The following PTPN4 variants were observed in gnomAD, a reference collection of about 807,000 sequenced individuals.
PTPN4 encodes the protein tyrosine-protein phosphatase non-receptor type 4.
Under a neutral mutation model 135.5 loss-of-function variants are expected in PTPN4, and 49 were observed. That is an observed-to-expected ratio of 0.36 (90% CI 0.29 to 0.46). The LOEUF (loss-of-function observed/expected upper bound fraction) is 0.46. Among genes scored for constraint, PTPN4 ranks in the 20% least tolerant of loss-of-function variants. PTPN4 has a pLI of 1.00. For synonymous variants in PTPN4, 333 were observed against 369.9 expected (o/e 0.90, Z 1.14); for missense variants, 860 against 1,101.0 (o/e 0.78, Z 3.10).
Position 119,918,413 on chromosome 2 carries a change from T to C in PTPN4, c.829-1656T>C, listed in dbSNP as rs1678688792. ...GAGAGTGAAATAGTATAGACCATTA[T>C]ATAATACACACAGAATCCTTGGTTG... On this transcript the variant is annotated intron_variant, in intron 11 of 26. Transcript: ENST00000263708. 2.6e-5 allele frequency among the ~76,000 whole-genome samples: 4 copies of C among 152,328 alleles called. No homozygotes were observed. In the South Asian group the frequency reaches 8.3e-4, roughly 32 times the overall value.
intron 1 of PTPN4, among the ~76,000 whole-genome samples, chr2:119,805,046 G>C (rs1382216835): frequency 2.0e-5 from 3 of 152,158 alleles, no homozygotes; most frequent in Non-Finnish European, 4.4e-5. Context: ...GTGATGATGA[G>C]CATTTTTTCA....
intron 1 of PTPN4, among the ~76,000 whole-genome samples, chr2:119,764,878 A>G (rs1236606764): frequency 6.6e-6 from 1 of 152,210 alleles, no homozygotes; most frequent in Non-Finnish European, 1.5e-5. Flanking sequence ...GTTCATATTT[A>G]AAAAATAAAG....
chr2:119,815,522 C>T (rs1676970933), intron 2 of PTPN4, among the ~76,000 whole-genome samples: 1 of 152,130 alleles, frequency 6.6e-6, no homozygotes, highest in Admixed American at 6.5e-5. Flanking sequence ...ACATATACTG[C>T]TTGCAAAACC....
intron 14 of PTPN4, among the ~76,000 whole-genome samples, chr2:119,933,567 T>G (rs1678938327): frequency 2.1e-5 from 3 of 143,416 alleles, no homozygotes; most frequent in South Asian, 2.2e-4. Flanking sequence ...GTCAGGGGGG[T>G]GGGGCAGGGA....
chr2:119,822,763 G>C (rs1677089517), intron 2 of PTPN4, among the ~76,000 whole-genome samples: 1 of 151,952 alleles, frequency 6.6e-6, no homozygotes, highest in Non-Finnish European at 1.5e-5. Context: ...AAATTAGTGG[G>C]CTTTCAGGAA....
chr2:119,880,160 ACTTT>A (rs1574384745), intron 5 of PTPN4: 1 of 152,068 alleles, frequency 6.6e-6, no homozygotes, highest in Non-Finnish European at 1.5e-5. Context: ...AGTTGATACT[ACTTT>A]CTTCTTACAA....
intron 2 of PTPN4, among the ~76,000 whole-genome samples, chr2:119,838,235 T>C (rs1172808810): frequency 6.6e-6 from 1 of 152,050 alleles, no homozygotes; most frequent in African/African-American, 2.4e-5. Flanking sequence ...ACTTTTATTG[T>C]AAGTTCAGGG....
Position 119,956,976 on chromosome 2 carries a change from A to T in PTPN4, c.2072-40A>T, listed in dbSNP as rs376176321. ...CTCTGTTAAATTTAATCTTTTAAAC[A>T]TAACTTTACTAAAACATTATTTCTT... On this transcript the variant is annotated intron_variant, in intron 21 of 26. Transcript: ENST00000263708. 1,491 of 1,604,674 alleles carry T rather than the reference A, an allele frequency of 9.3e-4. 3 individuals carry two copies. The highest frequency in any genetic ancestry group is 1.2e-3 in the Non-Finnish European group (1,413 of 1,176,618).
intron 1 of PTPN4, 78 bp from the exon 2 acceptor site, chr2:119,809,759 A>G: frequency 8.1e-7 from 1 of 1,240,310 alleles, no homozygotes; most frequent in Non-Finnish European, 1.1e-6. Context: ...TGAGAAATAT[A>G]TAATAACTTT....
intron 2 of PTPN4, among the ~76,000 whole-genome samples, chr2:119,816,245 GGTAAA>G (rs1676984242): frequency 6.6e-6 from 1 of 152,076 alleles, no homozygotes; most frequent in Admixed American, 6.6e-5. Context: ...GAAAAGGTAT[GGTAAA>G]GATACAGTAT....
intron 1 of PTPN4, among the ~76,000 whole-genome samples, chr2:119,763,727 CAT>C (rs1353516728): frequency 2.6e-5 from 4 of 152,090 alleles, no homozygotes; most frequent in Non-Finnish European, 4.4e-5. Context: ...AGCCATTAAT[CAT>C]GTGTGGCTAT....
At chr2:119,911,481 A>G (rs1464657683) in intron 10 of PTPN4, among the ~76,000 whole-genome samples, 4 of 152,142 alleles carry the variant, frequency 2.6e-5, no homozygotes, top group Admixed American at 6.6e-5. Flanking sequence ...GACATAGCTA[A>G]CTATAAATAC....
At chr2:119,882,171 G>A (rs374217540) in intron 7 of PTPN4, 22 bp downstream of exon 7, 2 of 1,581,988 alleles carry the variant, frequency 1.3e-6, no homozygotes, top group Non-Finnish European at 1.7e-6. Flanking sequence ...CCCATTTTTA[G>A]GTCAAATAGC....
chr2:119,887,635 T>G (rs887692423), intron 9 of PTPN4, among the ~76,000 whole-genome samples: 2 of 152,222 alleles, frequency 1.3e-5, no homozygotes, highest in Admixed American at 6.5e-5. Flanking sequence ...GCAGAGAATG[T>G]CCTTTCCCCA....
At chr2:119,970,356 G>A (rs944870461) in intron 26 of PTPN4, among the ~76,000 whole-genome samples, 11 of 152,094 alleles carry the variant, frequency 7.2e-5, no homozygotes, top group Admixed American at 3.3e-4. Context: ...CACCAGGCCC[G>A]GCTATATAAT....
At chr2:119,795,783 G>A (rs192463606) in intron 1 of PTPN4, among the ~76,000 whole-genome samples, 52 of 152,358 alleles carry the variant, frequency 3.4e-4, no homozygotes, top group Non-Finnish European at 6.3e-4. Context: ...GCAAGGCACC[G>A]CCCTGGGCCC....
At chr2:119,971,078 A>G (rs1278940376) in intron 26 of PTPN4, among the ~76,000 whole-genome samples, 2 of 152,184 alleles carry the variant, frequency 1.3e-5, no homozygotes, top group Non-Finnish European at 2.9e-5. Context: ...ACAAATAAAC[A>G]CTTGAGACTG....
At chr2:119,816,010 G>A (rs1011539474) in intron 2 of PTPN4, among the ~76,000 whole-genome samples, 7 of 152,068 alleles carry the variant, frequency 4.6e-5, no homozygotes, top group African/African-American at 2.4e-5. Flanking sequence ...GTATAGTCAC[G>A]CATCACTTAA....
At chr2:119,884,144 T>C (rs188494285) in intron 8 of PTPN4, among the ~76,000 whole-genome samples, 9 of 152,360 alleles carry the variant, frequency 5.9e-5, no homozygotes, top group Middle Eastern at 3.4e-3. Context: ...GTGATCCGCC[T>C]GCCTTGGCCT....
Sources: gnomAD v4.1 joint callset for allele counts (sites outside exome capture counted in the v4.1 genomes callset) on GRCh38, gnomAD v4.1.1 for gene constraint, MANE v1.5 for transcripts, NCBI Gene and HGNC (gene_info 2026-07-23, HGNC 2026-07-21) for gene names.